RAP1GDS1: variants seen among roughly 807,000 people sequenced by gnomAD.
RAP1GDS1 encodes the protein RAP1, GTP-GDP dissociation stimulator 1.
In RAP1GDS1, 35 loss-of-function variants were observed where a neutral mutation model predicts 71.1. That is an observed-to-expected ratio of 0.49 (90% confidence interval 0.38 to 0.65). RAP1GDS1 has a LOEUF of 0.65. Among genes scored for constraint, RAP1GDS1 ranks in the 30% least tolerant of loss-of-function variants. The probability of loss-of-function intolerance (pLI) is 0.00; values close to 1 mark genes in which losing one functional copy is unlikely to be tolerated. For synonymous variants in RAP1GDS1, 229 were observed against 243.1 expected, an observed-to-expected ratio of 0.94 and a Z score of 0.54; for missense variants, 663 against 706.1, an observed-to-expected ratio of 0.94 and a Z score of 0.69.
chr4:98,376,365 C>T (rs938653789), intron 4 of RAP1GDS1, among the ~76,000 whole-genome samples: 3 of 151,996 alleles, frequency 2.0e-5, no homozygotes, highest in Non-Finnish European at 2.9e-5. Flanking sequence ...AACAATAATA[C>T]TCATTATGAT....
At chr4:98,400,739 AC>A (rs1458926890) in intron 6 of RAP1GDS1, among the ~76,000 whole-genome samples, 1 of 152,170 alleles carries the variant, frequency 6.6e-6, no homozygotes, top group Non-Finnish European at 1.5e-5. Flanking sequence ...TGTTTCCAAC[AC>A]AAAGTACTTG....
chr4:98,413,009 A>G (rs1747299887), intron 7 of RAP1GDS1, among the ~76,000 whole-genome samples: 1 of 152,104 alleles, frequency 6.6e-6, no homozygotes, highest in Admixed American at 6.5e-5. Flanking sequence ...TAAACACCTT[A>G]AACAACAGAA....
intron 2 of RAP1GDS1, among the ~76,000 whole-genome samples, chr4:98,325,116 T>C (rs1481009448): frequency 6.6e-6 from 1 of 151,864 alleles, no homozygotes; most frequent in East Asian, 1.9e-4. Flanking sequence ...GCGAAGGACA[T>C]GAACAGACAC....
chr4:98,318,195 TGCTTAGTCTA>T lies in RAP1GDS1; in HGVS notation c.112+24690_112+24699del, dbSNP rs797018854. ...ATCTAGCCACTCTGGATAAATATCT[TGCTTAGTCTA>T]GCTTAGTCTCTTAATACCTTTCATT... On this transcript the variant is annotated intron_variant, in intron 2 of 14. Transcript: ENST00000408927. Among the ~76,000 whole-genome samples the T allele has an allele frequency of 3.3e-5, 5 of 152,260 alleles. No individual in the cohort carries two copies. In the East Asian group the frequency reaches 5.8e-4, roughly 18 times the overall value.
chr4:98,341,515 G>T (rs2110393304), intron 2 of RAP1GDS1, among the ~76,000 whole-genome samples: 1 of 152,306 alleles, frequency 6.6e-6, no homozygotes, highest in African/African-American at 2.4e-5. Flanking sequence ...CATAACAAAT[G>T]CTTCGGCTTC....
intron 12 of RAP1GDS1, among the ~76,000 whole-genome samples, chr4:98,429,389 C>T (rs1750082856): frequency 6.6e-6 from 1 of 152,012 alleles, no homozygotes; most frequent in African/African-American, 2.4e-5. Context: ...ATTATTCTGA[C>T]TCAGGGGTGG....
At chr4:98,435,144 G>T (rs1285231829) in intron 13 of RAP1GDS1, among the ~76,000 whole-genome samples, 1 of 152,108 alleles carries the variant, frequency 6.6e-6, no homozygotes, top group Non-Finnish European at 1.5e-5. Context: ...AAAGCCATTT[G>T]GGTAAATACT....
chr4:98,390,260 T>TGTAA (rs895195079), intron 5 of RAP1GDS1, among the ~76,000 whole-genome samples: 10 of 152,290 alleles, frequency 6.6e-5, no homozygotes, highest in African/African-American at 2.2e-4. Context: ...AACACTATTG[T>TGTAA]GTAAGTATTT....
At chr4:98,364,216 T>A (rs1739160182) in intron 4 of RAP1GDS1, among the ~76,000 whole-genome samples, 1 of 152,142 alleles carries the variant, frequency 6.6e-6, no homozygotes, top group Non-Finnish European at 1.5e-5. Context: ...GTTAACTGTT[T>A]CTTAGATGGA....
intron 5 of RAP1GDS1, chr4:98,387,350 C>G: frequency 2.3e-6 from 1 of 431,292 alleles, no homozygotes; most frequent in South Asian, 1.6e-5. Context: ...TTTTCTGGAC[C>G]TATAATCTAG....
intron 1 of RAP1GDS1, among the ~76,000 whole-genome samples, chr4:98,273,096 C>G (rs1305028589): frequency 6.6e-6 from 1 of 152,140 alleles, no homozygotes; most frequent in African/African-American, 2.4e-5. Flanking sequence ...TTCCACTACC[C>G]TCCTCATCTA....
chr4:98,432,803 C>T (rs1477803725), intron 12 of RAP1GDS1, among the ~76,000 whole-genome samples: 1 of 151,834 alleles, frequency 6.6e-6, no homozygotes, highest in Admixed American at 6.6e-5. Context: ...TTATTGAGAC[C>T]TCCTACTAAA....
intron 2 of RAP1GDS1, among the ~76,000 whole-genome samples, chr4:98,303,699 A>T (rs916224017): frequency 1.1e-4 from 17 of 150,500 alleles, no homozygotes; most frequent in African/African-American, 3.6e-4. Flanking sequence ...AGAACTTTTT[A>T]AAAAAAATTA....
chr4:98,331,066 C>T (rs952651796), intron 2 of RAP1GDS1, among the ~76,000 whole-genome samples: 21 of 152,166 alleles, frequency 1.4e-4, no homozygotes, highest in African/African-American at 4.3e-4. Context: ...GAGGCCAAGG[C>T]GGGCAGATAC....
intron 1 of RAP1GDS1, among the ~76,000 whole-genome samples, chr4:98,267,746 A>G (rs1212701966): frequency 1.3e-5 from 2 of 152,126 alleles, no homozygotes; most frequent in Admixed American, 6.5e-5. Context: ...CCAATCCACT[A>G]TTGATAGGCA....
At chr4:98,313,493 A>G (rs1730552350) in intron 2 of RAP1GDS1, among the ~76,000 whole-genome samples, 1 of 152,324 alleles carries the variant, frequency 6.6e-6, no homozygotes, top group South Asian at 2.1e-4. Flanking sequence ...TACAATAGTT[A>G]TATGTTGGGA....
At chr4:98,382,455 G>A (rs149219027) in intron 5 of RAP1GDS1, among the ~76,000 whole-genome samples, 28 of 151,606 alleles carry the variant, frequency 1.8e-4, no homozygotes, top group African/African-American at 6.5e-4. Context: ...AGAAAAGCTT[G>A]TTGACACTTT....
intron 1 of RAP1GDS1, among the ~76,000 whole-genome samples, chr4:98,269,114 C>T: frequency 8.6e-6 from 1 of 116,130 alleles, no homozygotes; most frequent in East Asian, 2.7e-4. Flanking sequence ...ACACATAGAT[C>T]AATGGAACAG....
At position 98,294,772 on chromosome 4, in the gene RAP1GDS1, T is replaced by C. The variant is rs56022708; in HGVS notation, c.112+1257T>C. Reference sequence around the variant, plus strand: ...TTCCCATGATCACAGAAAATTCTTATGGATAGCACTGGTCTAGAAACTAGG... The same window carrying C: ...TTCCCATGATCACAGAAAATTCTTACGGATAGCACTGGTCTAGAAACTAGG... On this transcript the variant is annotated intron_variant, in intron 2 of 14. Transcript: ENST00000408927. 3.8e-3 allele frequency among the ~76,000 whole-genome samples: 583 copies of C among 152,252 alleles called. 6 individuals are homozygous for C. Among genetic ancestry groups the C allele is most frequent in the African/African-American group, 0.013 (558 of 41,582 alleles).
Sources: allele counts gnomAD v4.1 joint callset (sites outside exome capture counted in the v4.1 genomes callset), GRCh38; gene constraint gnomAD v4.1.1; transcripts MANE v1.5; gene names NCBI Gene and HGNC (gene_info 2026-07-23, HGNC 2026-07-21).